The following KCNMA1 variants were observed in gnomAD, a reference collection of about 807,000 sequenced individuals.
KCNMA1 encodes Calcium-activated potassium channel subunit alpha-1.
Under a neutral mutation model 140.0 loss-of-function variants are expected in KCNMA1, and 29 were observed. The ratio of observed to expected loss-of-function variants is 0.21; its 90% CI spans 0.15 to 0.28. The LOEUF (loss-of-function observed/expected upper bound fraction) is 0.28, where lower values mean the gene tolerates loss of function less well. Ranked by LOEUF, KCNMA1 falls within the 10% of genes least tolerant of loss-of-function variation. The pLI is 1.00. For synonymous variants in KCNMA1, 612 were observed against 611.9 expected (o/e 1.00, Z 0.00); for missense variants, 880 against 1,602.2 (o/e 0.55, Z 7.70).
At chr10:77,190,209 T>C (rs1434350779) in intron 3 of KCNMA1, among the ~76,000 whole-genome samples, 1 of 152,178 alleles carries the variant, frequency 6.6e-6, no homozygotes, top group African/African-American at 2.4e-5. Context: ...CCCATGCTAC[T>C]GGGAGGAAAA....
chr10:77,491,714 TACACACACACAC>T (rs3071912), intron 1 of KCNMA1, among the ~76,000 whole-genome samples: 101 of 145,576 alleles, frequency 6.9e-4, no homozygotes, highest in Middle Eastern at 3.5e-3. Flanking sequence ...TTAGAAGTCA[TACACACACACAC>T]ACACACACAC....
intron 2 of KCNMA1, among the ~76,000 whole-genome samples, chr10:77,298,023 T>C (rs546327915): frequency 2.0e-5 from 3 of 152,288 alleles, no homozygotes; most frequent in South Asian, 4.1e-4. Context: ...ACCAGTCAAC[T>C]TCAAGGCCCT....
intron 22 of KCNMA1, among the ~76,000 whole-genome samples, chr10:76,945,303 T>C (rs1021618577): frequency 6.6e-6 from 1 of 152,158 alleles, no homozygotes; most frequent in Non-Finnish European, 1.5e-5. Flanking sequence ...CTGGAAATTG[T>C]CTTGATTTAA....
At chr10:77,034,538 G>T (rs565773241) in intron 15 of KCNMA1, among the ~76,000 whole-genome samples, 1 of 152,204 alleles carries the variant, frequency 6.6e-6, no homozygotes, top group African/African-American at 2.4e-5. Context: ...AATAACACAG[G>T]TTGAGAGCAT....
chr10:77,560,218 G>C (rs1396630703), intron 1 of KCNMA1, among the ~76,000 whole-genome samples: 1 of 152,042 alleles, frequency 6.6e-6, no homozygotes. Flanking sequence ...AACCCTGCAG[G>C]TTATGACCCA....
chr10:77,266,783 CT>C (rs1165589781), intron 2 of KCNMA1, among the ~76,000 whole-genome samples: 2 of 152,192 alleles, frequency 1.3e-5, no homozygotes, highest in Non-Finnish European at 2.9e-5. Flanking sequence ...TGTCTGTGAT[CT>C]CCTCCTTGAG....
rs372047792 is a variant in KCNMA1, at chr10:77,321,661, G to GT, written c.541-70406dup. On this transcript the variant is annotated intron_variant, in intron 2 of 27. Transcript: ENST00000286628. ...GTCCACACCAGATCAGGCAGTGTCG[G>GT]TTTTTTTTTCCCCTGTCCATATGAG... Among the ~76,000 whole-genome samples the GT allele has an allele frequency of 9.2e-5, 14 of 151,488 alleles. No homozygotes were observed. The South Asian group carries it at 1.0e-3, about 11-fold the overall frequency.
At position 77,329,136 on chromosome 10, in the gene KCNMA1, G is replaced by A. The variant is rs188869205; in HGVS notation, c.540+74726C>T. 2.1e-3 allele frequency among the ~76,000 whole-genome samples: 315 copies of A among 152,086 alleles called. 1 individual carries two copies. The highest frequency in any genetic ancestry group is 7.1e-3 in the African/African-American group (293 of 41,492). ...ATTACAGGTGTGAGCCACTGCGCCC[G>A]GTCAATATATATCTATATTTTTAGT... is the stretch of plus-strand genomic sequence containing the variant. On this transcript the variant is annotated intron_variant, in intron 2 of 27. Coordinates refer to ENST00000286628, the MANE Select transcript of KCNMA1 (RefSeq NM_001161352.2).
intron 2 of KCNMA1, among the ~76,000 whole-genome samples, chr10:77,299,855 C>T (rs2076142891): frequency 6.6e-6 from 1 of 152,186 alleles, no homozygotes; most frequent in Non-Finnish European, 1.5e-5. Context: ...CTACAAGGCT[C>T]TCCAATTCCT....
chr10:76,938,397 G>T (rs1312122885), intron 23 of KCNMA1, among the ~76,000 whole-genome samples: 1 of 152,136 alleles, frequency 6.6e-6, no homozygotes, highest in Non-Finnish European at 1.5e-5. Context: ...AGACTGTTTT[G>T]CATGTACAGT....
intron 1 of KCNMA1, among the ~76,000 whole-genome samples, chr10:77,551,423 C>T (rs976077655): frequency 1.3e-5 from 2 of 152,014 alleles, no homozygotes; most frequent in Non-Finnish European, 2.9e-5. Flanking sequence ...CTCAAAAGCT[C>T]CAACTTTCTA....
At chr10:77,631,565 G>A (rs1014978721) in intron 1 of KCNMA1, among the ~76,000 whole-genome samples, 4 of 152,178 alleles carry the variant, frequency 2.6e-5, no homozygotes. Context: ...GCCCACTTTG[G>A]GAAGGAGGTC....
chr10:76,913,966 C>T, intron 24 of KCNMA1: 1 of 957,150 alleles, frequency 1.0e-6, no homozygotes, highest in Admixed American at 2.1e-5. Flanking sequence ...TCTGTTACAG[C>T]CGGTGAAATA....
chr10:77,223,139 G>C (rs2050214454), intron 3 of KCNMA1, among the ~76,000 whole-genome samples: 1 of 151,928 alleles, frequency 6.6e-6, no homozygotes, highest in Non-Finnish European at 1.5e-5. Context: ...TGAGGCAGGA[G>C]AATTGCTTGA....
chr10:77,489,497 G>A (rs1263834782), intron 1 of KCNMA1, among the ~76,000 whole-genome samples: 3 of 151,918 alleles, frequency 2.0e-5, no homozygotes, highest in African/African-American at 4.8e-5. Context: ...TACCATACCC[G>A]GCTAATTTTG....
chr10:77,390,144 A>C (rs919915637), intron 2 of KCNMA1, among the ~76,000 whole-genome samples: 1 of 152,186 alleles, frequency 6.6e-6, no homozygotes, highest in Non-Finnish European at 1.5e-5. Flanking sequence ...GGAACGAACT[A>C]CTGAAAAACT....
intron 19 of KCNMA1, among the ~76,000 whole-genome samples, chr10:76,997,791 T>C (rs1039456678): frequency 3.9e-5 from 6 of 152,132 alleles, no homozygotes; most frequent in African/African-American, 1.4e-4. Context: ...CCGAGGCCCA[T>C]ACCATCCTGA....
Position 77,553,735 on chromosome 10 carries a change from G to A in KCNMA1, c.378+83530C>T, listed in dbSNP as rs373420522. 7.2e-5 allele frequency among the ~76,000 whole-genome samples: 11 copies of A among 152,320 alleles called. 1 individual carries two copies. The highest frequency in any genetic ancestry group is 2.6e-4 in the African/African-American group (11 of 41,582). ...CACCCCAGGTTCAAGGTCAGCAGCA[G>A]GCTGTTTCACCAGGAAGGCCAGGAG... On this transcript the variant is annotated intron_variant, in intron 1 of 27. Coordinates refer to ENST00000286628, the MANE Select transcript of KCNMA1 (RefSeq NM_001161352.2).
At chr10:77,319,500 G>A (rs2081751426) in intron 2 of KCNMA1, among the ~76,000 whole-genome samples, 1 of 152,194 alleles carries the variant, frequency 6.6e-6, no homozygotes, top group South Asian at 2.1e-4. Context: ...AGAAGCCCAA[G>A]TCCTTCACTC....
Sources: gnomAD v4.1 joint callset for allele counts (sites outside exome capture counted in the v4.1 genomes callset) on GRCh38, gnomAD v4.1.1 for gene constraint, MANE v1.5 for transcripts, NCBI Gene and HGNC (gene_info 2026-07-23, HGNC 2026-07-21) for gene names.